NOC3L: variants seen among roughly 807,000 people sequenced by gnomAD.
The protein encoded by NOC3L is NOC3 like DNA replication regulator.
In NOC3L, 85 loss-of-function variants were observed where a neutral mutation model predicts 102.5. That is an observed-to-expected ratio of 0.83 (90% CI 0.70 to 0.99). The LOEUF is 0.99. Among genes scored for constraint, NOC3L ranks in the 50% least tolerant of loss-of-function variants. The pLI is 0.00. For missense variants in NOC3L, 878 were observed against 914.9 expected (o/e 0.96, Z 0.52); for synonymous variants, 303 against 309.4 (o/e 0.98, Z 0.22).
chr10:94,320,543 C>T, the NOC3L span, among the ~76,000 whole-genome samples: 1 of 152,182 alleles, frequency 6.6e-6, no homozygotes, highest in African/African-American at 2.4e-5. Context: ...ATAGCGACAG[C>T]AACTCATGGA....
intron 11 of NOC3L, 80 bp downstream of exon 11, chr10:94,346,345 T>C: frequency 9.2e-7 from 1 of 1,088,222 alleles, no homozygotes; most frequent in Non-Finnish European, 1.3e-6. Context: ...TAACTATGAT[T>C]TTTACATGTG....
chr10:94,316,570 C>T, the NOC3L span: 2 of 1,607,894 alleles, frequency 1.2e-6, no homozygotes, highest in Admixed American at 1.7e-5. Context: ...AACAAGACAT[C>T]AAACCTGTTA....
At position 94,339,906 on chromosome 10, in the gene NOC3L, C is replaced by T. The variant is rs1014249264; in HGVS notation, c.1795G>A (p.Gly599Ser). Residue 599 changes from glycine (G) to serine (S), a missense_variant, in exon 17 of 21, where the codon GGT becomes AGT. Physicochemically the swap from Gly to Ser is moderately conservative, Grantham distance 56. Transcript: ENST00000371361. The stretch of plus-strand genomic sequence containing the variant: ...AGGCACTGGAGTACAATCTCAACAC[C>T]TTCATTGGTAGCACCTAAAACAGCA... Reference protein sequence around the residue: ...FKLHAGATNEGVEIVLQCLDV... With the variant: ...FKLHAGATNESVEIVLQCLDV... 6.2e-7 allele frequency: 1 copy of T among 1,613,614 alleles called. No homozygotes were observed. Among genetic ancestry groups the T allele is most frequent in the Non-Finnish European group, 8.5e-7 (1 of 1,179,804 alleles).
chr10:94,340,735 A>G (rs971731560), intron 14 of NOC3L, among the ~76,000 whole-genome samples: 1 of 152,014 alleles, frequency 6.6e-6, no homozygotes, highest in Non-Finnish European at 1.5e-5. Flanking sequence ...CAATCCCAGC[A>G]CTTCAGGAGG....
Position 94,337,770 on chromosome 10 carries a change from A to C in NOC3L, c.2189+7T>G. The stretch of plus-strand genomic sequence containing the variant: ...TAGTTTTAGAATAAGGCAATGCTAA[A>C]TATTACCTTCGACTCAACTCTGGTT... On this transcript the variant is annotated splice_region_variant and intron_variant, in intron 19 of 20. Coordinates refer to ENST00000371361, the MANE Select transcript of NOC3L (RefSeq NM_022451.11). 6.3e-7 allele frequency: 1 copy of C among 1,592,724 alleles called. No individual in the cohort carries two copies. The highest frequency in any genetic ancestry group is 8.6e-7 in the Non-Finnish European group (1 of 1,161,010).
chr10:94,322,184 T>C, the NOC3L span: 6 of 893,338 alleles, frequency 6.7e-6, no homozygotes, highest in Non-Finnish European at 1.1e-5. Flanking sequence ...CAAAGGGGAG[T>C]GTGTGCCTCT....
intron 5 of NOC3L, 36 bp from the exon 6 acceptor site, chr10:94,355,129 T>G: frequency 6.5e-7 from 1 of 1,536,342 alleles, no homozygotes; most frequent in Middle Eastern, 1.9e-4. Flanking sequence ...CATATTCCTC[T>G]GCTTACAAGT....
the NOC3L span, among the ~76,000 whole-genome samples, chr10:94,319,862 C>CTTTTTTTTTTT: frequency 1.2e-5 from 1 of 86,198 alleles, no homozygotes; most frequent in Non-Finnish European, 2.6e-5. Flanking sequence ...CTCAAAGGTG[C>CTTTTTTTTTTT]TCTTTTTTTT....
chr10:94,361,814 T>A lies in NOC3L; in HGVS notation c.68A>T (p.Lys23Ile). The change falls in exon 2 of 21, where the codon AAA (lysine) becomes ATA (isoleucine). Residue 23 changes from lysine to isoleucine, a missense_variant. By Grantham distance (102) the Lys-to-Ile change is moderately radical. Coordinates refer to ENST00000371361, the MANE Select transcript of NOC3L (RefSeq NM_022451.11). ...FRKLIKTSKV[K>I]LENKLKNKQF... ...CTTATTTTTTAGCTTGTTTTCAAGT[T>A]TGACTTTACTAGTTTTTATTAACTT... is the stretch of plus-strand genomic sequence containing the variant. 1.9e-6 allele frequency: 3 copies of A among 1,613,870 alleles called. No homozygotes were observed. Among genetic ancestry groups the A allele is most frequent in the Non-Finnish European group, 2.5e-6 (3 of 1,179,918 alleles).
intron 14 of NOC3L, 68 bp from the exon 15 acceptor site, chr10:94,340,564 TAAA>T (rs911546033): frequency 2.2e-6 from 3 of 1,361,238 alleles, no homozygotes; most frequent in Non-Finnish European, 3.1e-6. Flanking sequence ...TTTATAGCTT[TAAA>T]AAAGAACTTT....
the NOC3L span, chr10:94,321,988 G>A: frequency 1.2e-6 from 2 of 1,614,032 alleles, no homozygotes; most frequent in Non-Finnish European, 1.7e-6. Context: ...AGTGCATGAT[G>A]TTTCTCCAGA....
chr10:94,355,987 T>G (rs1282335310), intron 5 of NOC3L, among the ~76,000 whole-genome samples: 2 of 152,176 alleles, frequency 1.3e-5, no homozygotes, highest in Non-Finnish European at 2.9e-5. Context: ...TTGCTATTAA[T>G]GAGGTCTGCT....
the NOC3L span, chr10:94,327,904 A>C: frequency 2.0e-6 from 1 of 489,954 alleles, no homozygotes; most frequent in Non-Finnish European, 4.2e-6. Flanking sequence ...CCCTTGGTAT[A>C]CCGCAAGTGT....
At chr10:94,324,574 T>C in the NOC3L span, 12 of 1,602,534 alleles carry the variant, frequency 7.5e-6, no homozygotes, top group Non-Finnish European at 9.4e-6. Flanking sequence ...GCAGGTAAAG[T>C]TTAAAGTTAT....
chr10:94,349,068 C>G (rs1235120135), intron 10 of NOC3L, among the ~76,000 whole-genome samples, 182 bp downstream of exon 10: 2 of 151,982 alleles, frequency 1.3e-5, no homozygotes, highest in African/African-American at 4.8e-5. Context: ...AGAAAAACAT[C>G]TAGAAGGATA....
chr10:94,326,503 T>C, the NOC3L span, among the ~76,000 whole-genome samples: 1 of 152,238 alleles, frequency 6.6e-6, no homozygotes, highest in African/African-American at 2.4e-5. Flanking sequence ...TACACACCTC[T>C]ATAACTTCTG....
At chr10:94,326,996 T>A in the NOC3L span, among the ~76,000 whole-genome samples, 4 of 150,980 alleles carry the variant, frequency 2.6e-5, no homozygotes, top group Non-Finnish European at 4.4e-5. Flanking sequence ...CCGTCTCTAC[T>A]AAAAATACAA....
chr10:94,329,849 G>A (rs2054139004), downstream of NOC3L: 1 of 144,952 alleles, frequency 6.9e-6, no homozygotes, highest in Non-Finnish European at 1.5e-5. Flanking sequence ...GTTCTTACTG[G>A]GTCAAAGCCT....
chr10:94,327,198 G>A, the NOC3L span, among the ~76,000 whole-genome samples: 2 of 152,172 alleles, frequency 1.3e-5, no homozygotes, highest in Non-Finnish European at 2.9e-5. Flanking sequence ...ATAGTCATTG[G>A]TGCATCTATG....
Sources: gnomAD v4.1 joint callset for allele counts (sites outside exome capture counted in the v4.1 genomes callset) on GRCh38, gnomAD v4.1.1 for gene constraint, MANE v1.5 for transcripts, NCBI Gene and HGNC (gene_info 2026-07-23, HGNC 2026-07-21) for gene names.